Variants in MAST4 observed in about 807,000 individuals in gnomAD.
MAST4 encodes microtubule-associated serine/threonine-protein kinase 4.
Under a neutral mutation model 162.7 loss-of-function variants are expected in MAST4, and 89 were observed. That is an observed-to-expected ratio of 0.55 (90% CI 0.46 to 0.65). The LOEUF (loss-of-function observed/expected upper bound fraction) is 0.65. Among genes scored for constraint, MAST4 ranks in the 30% least tolerant of loss-of-function variants. The pLI, the probability that MAST4 is intolerant of heterozygous loss-of-function variation, is 0.00. For missense variants in MAST4, 3,153 were observed against 3,374.0 expected (o/e 0.93, Z 1.62); for synonymous variants, 1,479 against 1,361.1 (o/e 1.09, Z -1.91).
At position 66,759,768 on chromosome 5, in the gene MAST4, G is replaced by A. The variant is rs767070128; in HGVS notation, c.423G>A (p.Val141=). ...MPFRKCSNPD[V]ASGPGKSLKY... is the part of the protein sequence containing the mutation. ...TTCGGAAATGCAGCAACCCAGATGT[G>A]GCTTCTGGCCCTGGAAAATCACTGA... The change falls in exon 2 of 29, where the codon GTG becomes GTA. Residue 141 remains valine, a synonymous_variant. Coordinates refer to ENST00000403625, the MANE Select transcript of MAST4 (RefSeq NM_001164664.2). 1 of 1,613,972 alleles carries A rather than the reference G, an allele frequency of 6.2e-7. No homozygotes were observed. Among genetic ancestry groups the A allele is most frequent in the South Asian group, 1.1e-5 (1 of 91,078 alleles).
At chr5:66,719,621 GTGC>G (rs1250377760) in intron 1 of MAST4, among the ~76,000 whole-genome samples, 1 of 152,032 alleles carries the variant, frequency 6.6e-6, no homozygotes, top group Non-Finnish European at 1.5e-5. Flanking sequence ...AGGTATACAA[GTGC>G]CATGATGGTT....
intron 2 of MAST4, among the ~76,000 whole-genome samples, chr5:66,782,706 A>G (rs140094410): frequency 3.7e-4 from 56 of 152,246 alleles, no homozygotes; most frequent in Non-Finnish European, 6.8e-4. Context: ...CAATTGTAAC[A>G]ACAAGCTCAA....
At chr5:67,068,354 A>G (rs925317068) in intron 5 of MAST4, among the ~76,000 whole-genome samples, 5 of 152,198 alleles carry the variant, frequency 3.3e-5, no homozygotes, top group Non-Finnish European at 5.9e-5. Flanking sequence ...ACTTACAATC[A>G]TGGCGGAAGG....
chr5:67,155,325 TC>T (rs1360052610), intron 26 of MAST4, among the ~76,000 whole-genome samples: 2 of 152,166 alleles, frequency 1.3e-5, no homozygotes, highest in African/African-American at 2.4e-5. Flanking sequence ...GCTATATGAA[TC>T]CCTGACAGTG....
intron 5 of MAST4, among the ~76,000 whole-genome samples, chr5:67,080,979 T>TATA (rs1317087548): frequency 0.013 from 1,527 of 118,996 alleles, 193 homozygotes; most frequent in East Asian, 0.047. Flanking sequence ...TATTATATAA[T>TATA]ATATATAATT....
At position 67,145,332 on chromosome 5, in the gene MAST4, C is replaced by T. The variant is rs1581713513; in HGVS notation, c.3047C>T (p.Pro1016Leu). ...CCTGAAGAGTGTGCCCAGGAGGAGC[C>T]TGAGGTCACCACCCCAGCCAGCACC... The part of the protein sequence containing the change: ...LPPEECAQEE[P>L]EVTTPASTIS... Residue 1016 changes from proline to leucine, a missense_variant, in exon 23 of 29, where the codon CCT becomes CTT. By Grantham distance (98) the Pro-to-Leu change is moderately conservative (BLOSUM62 -3). Transcript: ENST00000403625. 6.2e-7 allele frequency: 1 copy of T among 1,613,360 alleles called. No individual in the cohort carries two copies. The highest frequency in any genetic ancestry group is 1.8e-4 in the Middle Eastern group (1 of 5,662).
intron 2 of MAST4, among the ~76,000 whole-genome samples, chr5:66,763,999 T>A (rs994939266): frequency 1.3e-5 from 2 of 152,228 alleles, no homozygotes; most frequent in African/African-American, 4.8e-5. Flanking sequence ...TGGCCTTTTT[T>A]GTACACTGCA....
chr5:66,872,941 G>T (rs1157892773), intron 3 of MAST4, among the ~76,000 whole-genome samples: 2 of 152,102 alleles, frequency 1.3e-5, no homozygotes, highest in Non-Finnish European at 2.9e-5. Flanking sequence ...CTTGGCATTT[G>T]CAGAAATACT....
intron 1 of MAST4, among the ~76,000 whole-genome samples, chr5:66,663,251 A>C (rs1029415666): frequency 6.6e-6 from 1 of 151,394 alleles, no homozygotes; most frequent in Non-Finnish European, 1.5e-5. Flanking sequence ...TTAATCACCA[A>C]CTCCTTTTTA....
rs1764365910 is a variant in MAST4, at chr5:67,095,611, G to A, written c.848G>A (p.Arg283His). 2 of 1,608,454 alleles carry A rather than the reference G, an allele frequency of 1.2e-6. No individual in the cohort carries two copies. Among genetic ancestry groups the A allele is most frequent in the Non-Finnish European group, 1.7e-6 (2 of 1,177,078 alleles). The change falls in exon 7 of 29, where the codon CGC becomes CAC. Residue 283 changes from arginine to histidine, a missense_variant. This residue lies in a region of MAST4 where 360 missense variants were observed against 450.0 expected (regional missense o/e 0.80). Coordinates refer to ENST00000403625, the MANE Select transcript of MAST4 (RefSeq NM_001164664.2). ...TTTCTCAATAGGACTGATGGACGCC[G>A]CTGGTCGTTGGCTTCTCTCCCTTCC... ...FSFARRTDGR[R>H]WSLASLPSSG...
In MAST4 at chr5:67,166,845, A is replaced by C. The variant is rs1221663130; in HGVS notation, c.7666A>C (p.Thr2556Pro). 1 of 1,604,242 alleles carries C rather than the reference A, an allele frequency of 6.2e-7. No homozygotes were observed. Among genetic ancestry groups the C allele is most frequent in the African/African-American group, 1.3e-5 (1 of 74,588 alleles). The change falls in exon 29 of 29, where the codon ACC (threonine) becomes CCC (proline). Residue 2556 changes from threonine (T) to proline (P), a missense_variant. Transcript: ENST00000403625. ...HRDRALSVTA[T>P]VGETKGKDPA... ...GGACAGGGCTCTCTCGGTGACTGCC[A>C]CCGTAGGGGAAACCAAAGGGAAGGA...
At chr5:66,642,648 T>G (rs17209922) in intron 1 of MAST4, among the ~76,000 whole-genome samples, 2,781 of 152,282 alleles carry the variant, frequency 0.018, 33 homozygotes, top group Non-Finnish European at 0.029. Context: ...TGAAGTTGTT[T>G]CTTTTAAAAG....
chr5:66,921,040 G>A (rs559478000), intron 4 of MAST4, among the ~76,000 whole-genome samples: 3 of 152,182 alleles, frequency 2.0e-5, no homozygotes, highest in African/African-American at 4.8e-5. Flanking sequence ...AGCCACTTAC[G>A]ATTAGAGGGT....
chr5:66,672,261 A>G (rs1580158921), intron 1 of MAST4, among the ~76,000 whole-genome samples: 1 of 152,316 alleles, frequency 6.6e-6, no homozygotes, highest in East Asian at 1.9e-4. Flanking sequence ...AACTGCCGCT[A>G]ACTATTGACA....
chr5:67,009,832 T>C (rs1752465827), intron 4 of MAST4, among the ~76,000 whole-genome samples: 1 of 152,144 alleles, frequency 6.6e-6, no homozygotes, highest in African/African-American at 2.4e-5. Flanking sequence ...TAATAAGTTC[T>C]TGGGGTAGTC....
chr5:67,078,911 A>AATAAATATATATATATAATATAT (rs1227485756), intron 5 of MAST4, among the ~76,000 whole-genome samples: 6 of 38,108 alleles, frequency 1.6e-4, no homozygotes, highest in Non-Finnish European at 1.8e-4. Flanking sequence ...TTTTTATATA[A>AATAAATATATATATATAATATAT]ATATATATAT....
chr5:66,761,336 T>C (rs1038976766), intron 2 of MAST4, among the ~76,000 whole-genome samples: 12 of 152,336 alleles, frequency 7.9e-5, no homozygotes, highest in African/African-American at 2.6e-4. Context: ...TTAAGATAAG[T>C]TAAAGCCTAG....
chr5:66,894,939 A>G (rs1381633634), intron 3 of MAST4, among the ~76,000 whole-genome samples: 1 of 152,136 alleles, frequency 6.6e-6, no homozygotes, highest in African/African-American at 2.4e-5. Context: ...TAACCCTCAC[A>G]GGACACCTGT....
At chr5:66,987,224 GCTTT>G (rs1393623632) in intron 4 of MAST4, among the ~76,000 whole-genome samples, 1 of 151,980 alleles carries the variant, frequency 6.6e-6, no homozygotes, top group Non-Finnish European at 1.5e-5. Context: ...ACATGTTTTT[GCTTT>G]CTTAAGTGAC....
Sources: gnomAD v4.1 joint callset for allele counts (sites outside exome capture counted in the v4.1 genomes callset) on GRCh38, gnomAD v4.1.1 for gene constraint, gnomAD v4.1.1 regional missense constraint, MANE v1.5 for transcripts, NCBI Gene and HGNC (gene_info 2026-07-23, HGNC 2026-07-21) for gene names.